HSP90AA1: variants seen among roughly 807,000 people sequenced by gnomAD.
The protein encoded by HSP90AA1 is heat shock protein 90 alpha family class A member 1.
A neutral mutation model predicts 73.3 loss-of-function variants in HSP90AA1; 18 were observed. The ratio of observed to expected loss-of-function variants is 0.25; its 90% CI spans 0.17 to 0.36. The LOEUF is 0.36. Ranked by LOEUF, HSP90AA1 falls within the 10% of genes least tolerant of loss-of-function variation. The probability of loss-of-function intolerance (pLI) is 1.00; values close to 1 mark genes in which losing one functional copy is unlikely to be tolerated. For synonymous variants in HSP90AA1, 477 were observed against 296.9 expected, an observed-to-expected ratio of 1.61 and a Z score of -6.24; for missense variants, 704 against 874.2, an observed-to-expected ratio of 0.81 and a Z score of 2.45.
At chr14:102,091,306 C>T (rs2049354878), upstream of HSP90AA1, among the ~76,000 whole-genome samples, 1 of 152,086 alleles carries the variant, frequency 6.6e-6, no homozygotes, top group African/African-American at 2.4e-5. Context: ...CCAGGTCTGG[C>T]TCATGATTTT....
chr14:102,087,007 G>C lies in HSP90AA1; in HGVS notation c.-22C>G. The C allele has an allele frequency of 6.1e-6, 6 of 985,308 alleles. No homozygotes were observed. The highest frequency in any genetic ancestry group is 7.2e-6 in the Non-Finnish European group (6 of 830,124). The allele number at this position is 985,308 out of a possible 1,614,324, so 61.0% of individuals were successfully genotyped here. Reference sequence around the variant, plus strand: ...TCACCTTGGCTAAGTGACCGCACAGGACCAACGGCACAGCCACACCGGGAC... The same window carrying C: ...TCACCTTGGCTAAGTGACCGCACAGCACCAACGGCACAGCCACACCGGGAC... On this transcript the variant is annotated 5_prime_UTR_variant, in exon 1 of 11. Transcript: ENST00000216281.
At chr14:102,123,454 G>A (rs1485997754) in intron 1 of HSP90AA1, among the ~76,000 whole-genome samples, 1 of 151,764 alleles carries the variant, frequency 6.6e-6, no homozygotes. Flanking sequence ...GTTGAGTCTT[G>A]TTACCTAAGA....
At chr14:102,088,956 G>A (rs1299891171), upstream of HSP90AA1, among the ~76,000 whole-genome samples, 1 of 148,716 alleles carries the variant, frequency 6.7e-6, no homozygotes, top group African/African-American at 2.5e-5. Context: ...CCCCAGGCTC[G>A]AGGGCAATGG....
At chr14:102,133,672 G>A (rs972331966) in intron 1 of HSP90AA1, among the ~76,000 whole-genome samples, 1 of 151,836 alleles carries the variant, frequency 6.6e-6, no homozygotes, top group African/African-American at 2.4e-5. Context: ...CAGTAGAGAC[G>A]GGGTTTCTCC....
intron 1 of HSP90AA1, among the ~76,000 whole-genome samples, chr14:102,130,639 G>C (rs1370663921): frequency 6.6e-6 from 1 of 152,162 alleles, no homozygotes; most frequent in Non-Finnish European, 1.5e-5. Flanking sequence ...ACAGGGTCTT[G>C]CTCTGTTGCT....
At chr14:102,135,661 G>A (rs2049982501) in intron 1 of HSP90AA1, among the ~76,000 whole-genome samples, 2 of 152,280 alleles carry the variant, frequency 1.3e-5, no homozygotes, top group South Asian at 4.1e-4. Context: ...TGCCCCGCGG[G>A]AAGGCAGCTA....
chr14:102,085,160 C>T, intron 4 of HSP90AA1, 138 bp downstream of exon 4: 1 of 1,455,208 alleles, frequency 6.9e-7, no homozygotes, highest in Non-Finnish European at 9.6e-7. Context: ...GCCCGAGGAA[C>T]TTTTACAGAG....
chr14:102,118,093 C>A (rs1270529245), intron 1 of HSP90AA1, among the ~76,000 whole-genome samples: 1 of 152,174 alleles, frequency 6.6e-6, no homozygotes, highest in Non-Finnish European at 1.5e-5. Context: ...CTGCTCCATG[C>A]CTGACTTACA....
At chr14:102,116,878 T>C (rs976019912) in intron 1 of HSP90AA1, among the ~76,000 whole-genome samples, 1 of 152,152 alleles carries the variant, frequency 6.6e-6, no homozygotes, top group South Asian at 2.1e-4. Context: ...GCAAGCTCCA[T>C]GCAGTGGTGG....
chr14:102,112,888 C>T lies in HSP90AA1; in HGVS notation c.156-10803G>A, dbSNP rs527497929. 1.2e-4 allele frequency among the ~76,000 whole-genome samples: 18 copies of T among 152,148 alleles called. No individual in the cohort carries two copies. In the South Asian group the frequency reaches 2.7e-3, roughly 23 times the overall value. The stretch of plus-strand genomic sequence containing the variant: ...CTAAGTTTTTTACAAGAATGCAGAC[C>T]GTTCTTATTTCATAGATGCAATATC... On this transcript the variant is annotated intron_variant, in intron 1 of 11. Transcript: ENST00000334701.
exon 1 of HSP90AA1, chr14:102,139,470 CCTCCGCTCTTTGGGGTCCCGGCG>C (rs2050190010): frequency 3.4e-6 from 5 of 1,455,292 alleles, no homozygotes; most frequent in Admixed American, 4.9e-5. Context: ...TGGCGCTCTT[CCTCCGCTCTTTGGGGTCCCGGCG>C]CCCCTCAGGG....
At chr14:102,105,701 A>G (rs2049558783) in intron 1 of HSP90AA1, among the ~76,000 whole-genome samples, 1 of 152,102 alleles carries the variant, frequency 6.6e-6, no homozygotes, top group Admixed American at 6.6e-5. Flanking sequence ...TCATTCTGAG[A>G]TTTGTGTTTT....
At chr14:102,085,020 C>T (rs1381395394) in intron 4 of HSP90AA1, 22 bp from the exon 5 acceptor site, 2 of 1,613,898 alleles carry the variant, frequency 1.2e-6, no homozygotes, top group South Asian at 1.1e-5. Flanking sequence ...AACACGAAAT[C>T]ACATCACTGC....
chr14:102,085,227 C>T, intron 4 of HSP90AA1, 71 bp downstream of exon 4: 1 of 1,514,396 alleles, frequency 6.6e-7, no homozygotes, highest in Non-Finnish European at 9.2e-7. Flanking sequence ...GATCTAGGGA[C>T]TAAGGATGTA....
chr14:102,082,599 A>G, intron 9 of HSP90AA1, 155 bp from the exon 10 acceptor site: 2 of 660,376 alleles, frequency 3.0e-6, no homozygotes. Context: ...CAAAGAGCAC[A>G]GGTTATAATT....
chr14:102,081,592 G>GTA lies in HSP90AA1; in HGVS notation c.*118_*119dup. 2.8e-6 allele frequency: 2 copies of GTA among 704,938 alleles called. No homozygotes were observed. Among genetic ancestry groups the GTA allele is most frequent in the Non-Finnish European group, 5.2e-6 (2 of 382,500 alleles). The allele number at this position is 704,938 out of a possible 1,614,324, so 43.7% of individuals were successfully genotyped here. A position where few individuals can be genotyped will look rare whatever the true frequency, so the allele number is the denominator to read the frequency against. ...ACAGAAATCTTATCTTCCCCTTAAAGTAGTTGTCATGCCATACAGACTTTT... is the reference window on the plus strand; with the variant it reads ...ACAGAAATCTTATCTTCCCCTTAAAGTATAGTTGTCATGCCATACAGACTTTT... On this transcript the variant is annotated 3_prime_UTR_variant, in exon 11 of 11. Coordinates refer to ENST00000216281, the MANE Select transcript of HSP90AA1 (RefSeq NM_005348.4).
chr14:102,123,374 C>T (rs574778925), intron 1 of HSP90AA1, among the ~76,000 whole-genome samples: 8 of 151,814 alleles, frequency 5.3e-5, no homozygotes, highest in East Asian at 3.9e-4. Flanking sequence ...GGCAACAGAG[C>T]GAGACTCGGT....
chr14:102,121,316 C>T (rs1056873845), intron 1 of HSP90AA1, among the ~76,000 whole-genome samples: 4 of 152,074 alleles, frequency 2.6e-5, no homozygotes, highest in African/African-American at 9.7e-5. Flanking sequence ...TTATTGAATT[C>T]TCTATTGATG....
chr14:102,086,317 G>A lies in HSP90AA1; in HGVS notation c.62C>T (p.Ala21Val). 6.2e-7 allele frequency: 1 copy of A among 1,614,130 alleles called. No homozygotes were observed. The highest frequency in any genetic ancestry group is 8.5e-7 in the Non-Finnish European group (1 of 1,180,024). The change falls in exon 2 of 11, where the codon GCC becomes GTC. Residue 21 changes from alanine to valine, a missense_variant. Coordinates refer to ENST00000216281, the MANE Select transcript of HSP90AA1 (RefSeq NM_005348.4). ...PMEEEEVETF[A>V]FQAEIAQLMS... ...CAACTGGGCAATTTCTGCCTGAAAG[G>A]CGAACGTCTCAACCTCCTCCTCCTC... is the stretch of plus-strand genomic sequence containing the variant.
Sources: gnomAD v4.1 joint callset for allele counts (sites outside exome capture counted in the v4.1 genomes callset) on GRCh38, gnomAD v4.1.1 for gene constraint, MANE v1.5 for transcripts, NCBI Gene and HGNC (gene_info 2026-07-23, HGNC 2026-07-21) for gene names.